SLC36A1: variants seen among roughly 807,000 people sequenced by gnomAD.
The protein encoded by SLC36A1 is solute carrier family 36 member 1, also known as proton-coupled amino acid transporter 1.
SLC36A1 carries 30 observed loss-of-function variants against 47.5 expected under a neutral mutation model. That is an observed-to-expected ratio of 0.63 (90% CI 0.47 to 0.86). SLC36A1 has a LOEUF of 0.86. Ranked by LOEUF, SLC36A1 falls within the 40% of genes least tolerant of loss-of-function variation. SLC36A1 has a pLI of 0.00. For synonymous variants in SLC36A1, 255 were observed against 249.7 expected, an observed-to-expected ratio of 1.02 and a Z score of -0.20; for missense variants, 517 against 606.0, an observed-to-expected ratio of 0.85 and a Z score of 1.54.
At chr5:151,553,061 G>A in the SLC36A1 span, 184 of 991,168 alleles carry the variant, frequency 1.9e-4, no homozygotes, top group African/African-American at 2.8e-3. Context: ...GCTGAAAGAG[G>A]GGCTGCCGAG....
At chr5:151,379,118 C>G in the SLC36A1 span, among the ~76,000 whole-genome samples, 2 of 152,172 alleles carry the variant, frequency 1.3e-5, no homozygotes, top group African/African-American at 4.8e-5. Flanking sequence ...CCCAGGCCCC[C>G]AGCCTGGCAG....
At chr5:151,372,479 T>G in the SLC36A1 span, among the ~76,000 whole-genome samples, 24,168 of 152,044 alleles carry the variant, frequency 0.16, 2,175 homozygotes, top group East Asian at 0.37. Context: ...GGTCTCACTT[T>G]GTTCCCTAGG....
the SLC36A1 span, among the ~76,000 whole-genome samples, chr5:151,404,620 C>A: frequency 6.6e-6 from 1 of 152,162 alleles, no homozygotes; most frequent in African/African-American, 2.4e-5. Context: ...AACAAATTCC[C>A]TTAGTGCTTG....
Position 151,467,202 on chromosome 5 carries a change from T to C in SLC36A1, c.423T>C (p.Arg141=). The C allele has an allele frequency of 6.2e-7, 1 of 1,607,720 alleles. No individual in the cohort carries two copies. The highest frequency in any genetic ancestry group is 8.5e-7 in the Non-Finnish European group (1 of 1,176,286). ...TTCCTTCCTTCCCCACCTCCAGACG[T>C]GTTGTGGACTTCTTCCTGATTGTCA... is the stretch of plus-strand genomic sequence containing the variant. The part of the protein sequence containing the change: ...WLRNHAHWGR[R]VVDFFLIVTQ... Residue 141 remains arginine (R), a synonymous_variant, in exon 6 of 11, where the codon CGT becomes CGC. Transcript: ENST00000243389.
the SLC36A1 span, among the ~76,000 whole-genome samples, chr5:151,379,826 C>T: frequency 1.3e-5 from 2 of 152,134 alleles, no homozygotes; most frequent in African/African-American, 2.4e-5. Flanking sequence ...TATGGCACGT[C>T]TCAATTCAGA....
chr5:151,521,922 G>A, the SLC36A1 span: 1 of 1,614,004 alleles, frequency 6.2e-7, no homozygotes. Flanking sequence ...GGGGGTCTCG[G>A]TCTGTGGCAT....
the SLC36A1 span, chr5:151,543,884 C>G: frequency 9.9e-5 from 160 of 1,614,032 alleles, no homozygotes; most frequent in Non-Finnish European, 1.3e-4. Context: ...ATCAGGTACT[C>G]CAGGCGGGAG....
chr5:151,421,152 C>G, the SLC36A1 span, among the ~76,000 whole-genome samples: 1 of 151,592 alleles, frequency 6.6e-6, no homozygotes, highest in Admixed American at 6.6e-5. Context: ...GGATTATAGG[C>G]GTGAGCCACC....
At chr5:151,353,795 C>T in the SLC36A1 span, among the ~76,000 whole-genome samples, 2 of 152,298 alleles carry the variant, frequency 1.3e-5, no homozygotes, top group Non-Finnish European at 1.5e-5. Flanking sequence ...TCCAGAATGT[C>T]ATACAGCTAG....
At chr5:151,396,773 A>G in the SLC36A1 span, among the ~76,000 whole-genome samples, 1 of 152,210 alleles carries the variant, frequency 6.6e-6, no homozygotes, top group Non-Finnish European at 1.5e-5. Context: ...ACTTGGATTT[A>G]TATTGTTTGA....
intron 2 of SLC36A1, among the ~76,000 whole-genome samples, chr5:151,460,822 C>G (rs1343513130): frequency 2.0e-5 from 3 of 148,184 alleles, no homozygotes; most frequent in Middle Eastern, 3.2e-3. Flanking sequence ...TTTGCCCCAC[C>G]CTTTTATCTA....
chr5:151,394,920 C>G, the SLC36A1 span, among the ~76,000 whole-genome samples: 3 of 152,222 alleles, frequency 2.0e-5, no homozygotes, highest in Admixed American at 1.3e-4. Context: ...CCACTACTCT[C>G]TTCAAAGCTG....
upstream of SLC36A1, among the ~76,000 whole-genome samples, chr5:151,434,474 A>G (rs1240118848): frequency 6.6e-6 from 1 of 152,230 alleles, no homozygotes; most frequent in Non-Finnish European, 1.5e-5. Context: ...TGCACAGTGA[A>G]GACAGAATTA....
the SLC36A1 span, among the ~76,000 whole-genome samples, chr5:151,384,379 A>G: frequency 6.6e-6 from 1 of 152,246 alleles, no homozygotes; most frequent in East Asian, 1.9e-4. Context: ...CCAGGAAGAA[A>G]CAATGCCGGA....
chr5:151,531,778 G>A, the SLC36A1 span: 4 of 1,612,480 alleles, frequency 2.5e-6, no homozygotes, highest in Admixed American at 1.7e-5. This position sits in a 1 kb window ranked among gnomAD's most constrained non-coding sequence, Gnocchi z 5.7. Context: ...GCCCACCACC[G>A]AGACTGTGAC....
the SLC36A1 span, among the ~76,000 whole-genome samples, chr5:151,503,445 C>T: frequency 3.4e-5 from 5 of 148,978 alleles, no homozygotes; most frequent in Non-Finnish European, 7.4e-5. Context: ...AATTAGTGTG[C>T]GACAGAGCTG....
At chr5:151,382,025 G>T in the SLC36A1 span, 1 of 641,588 alleles carries the variant, frequency 1.6e-6, no homozygotes, top group African/African-American at 1.9e-5. Context: ...TGCCCAGCCC[G>T]GGAGCTCTCC....
chr5:151,551,629 G>A, the SLC36A1 span: 2 of 1,613,468 alleles, frequency 1.2e-6, no homozygotes, highest in Middle Eastern at 1.7e-4. Context: ...TGGGGAGAAA[G>A]CACACACAAC....
At chr5:151,371,897 CAG>C in the SLC36A1 span, among the ~76,000 whole-genome samples, 40 of 152,106 alleles carry the variant, frequency 2.6e-4, no homozygotes, top group South Asian at 1.2e-3. Context: ...GAGCGGGAGA[CAG>C]GGAAAGGGGA....
Sources: gnomAD v4.1 joint callset for allele counts (sites outside exome capture counted in the v4.1 genomes callset) on GRCh38, gnomAD v4.1.1 for gene constraint, Gnocchi (gnomAD v3.1) non-coding constraint, MANE v1.5 for transcripts, NCBI Gene and HGNC (gene_info 2026-07-23, HGNC 2026-07-21) for gene names.